The following TNR variants were observed in gnomAD, a reference collection of about 807,000 sequenced individuals.
TNR encodes the protein tenascin-R.
A neutral mutation model predicts 150.4 loss-of-function variants in TNR; 45 were observed. That is an observed-to-expected ratio of 0.30 (90% CI 0.24 to 0.38). The LOEUF (loss-of-function observed/expected upper bound fraction) is 0.38, where lower values mean the gene tolerates loss of function less well. Among genes scored for constraint, TNR ranks in the 10% least tolerant of loss-of-function variants. The pLI is 1.00. For synonymous variants in TNR, 687 were observed against 678.4 expected (o/e 1.01, Z -0.20); for missense variants, 1,544 against 1,759.1 (o/e 0.88, Z 2.19).
chr1:175,405,647 G>A (rs1281544840), intron 3 of TNR, among the ~76,000 whole-genome samples: 1 of 140,438 alleles, frequency 7.1e-6, no homozygotes, highest in African/African-American at 2.7e-5. Context: ...GTGTGTGTGT[G>A]TGCATACGCT....
chr1:175,406,210 C>A lies in TNR; in HGVS notation c.499+6G>T. 1 of 1,612,610 alleles carries A rather than the reference C, an allele frequency of 6.2e-7. No homozygotes were observed. The highest frequency in any genetic ancestry group is 8.5e-7 in the Non-Finnish European group (1 of 1,179,142). ...TGAGACCACGCTGCGAGCTCCCGGA[C>A]TCTACCTGTGGCAGCACTTTCTTGG... On this transcript the variant is annotated splice_donor_region_variant and intron_variant, in intron 3 of 22. Transcript: ENST00000367674.
intron 1 of TNR, among the ~76,000 whole-genome samples, chr1:175,656,352 T>C (rs1472817829): frequency 6.6e-6 from 1 of 152,146 alleles, no homozygotes; most frequent in East Asian, 1.9e-4. Context: ...AGGGCAGCCA[T>C]AAGCTGTCAG....
rs79189590 is a variant in TNR, at chr1:175,455,476, T to C, written c.-63-48699A>G. Among the ~76,000 whole-genome samples, 354 of 152,362 alleles carry C rather than the reference T, an allele frequency of 2.3e-3. 1 individual carries two copies. Among genetic ancestry groups the C allele is most frequent in the African/African-American group, 7.7e-3 (320 of 41,590 alleles). On this transcript the variant is annotated intron_variant, in intron 2 of 22. Coordinates refer to ENST00000367674, the MANE Select transcript of TNR (RefSeq NM_003285.3). ...TTTCAAAAGAAAGATCCTTGCTGTC[T>C]AGCAGTAGGAGCAGGCATGCTATTA... is the stretch of plus-strand genomic sequence containing the variant.
chr1:175,637,673 T>C (rs1664529425), intron 1 of TNR, among the ~76,000 whole-genome samples: 1 of 152,222 alleles, frequency 6.6e-6, no homozygotes. Flanking sequence ...AATCCAGGTA[T>C]CAGCTAATCA....
intron 1 of TNR, among the ~76,000 whole-genome samples, chr1:175,563,005 G>A (rs1469578849): frequency 1.3e-5 from 2 of 152,208 alleles, no homozygotes; most frequent in Admixed American, 1.3e-4. Flanking sequence ...GAATCAGGAA[G>A]CATGATTGAT....
chr1:175,639,295 C>T (rs1324949006), intron 1 of TNR, among the ~76,000 whole-genome samples: 1 of 152,198 alleles, frequency 6.6e-6, no homozygotes, highest in Non-Finnish European at 1.5e-5. Flanking sequence ...CACCTGGTAG[C>T]ATGTAGTTCC....
intron 1 of TNR, among the ~76,000 whole-genome samples, chr1:175,713,379 G>A (rs987339190): frequency 2.6e-5 from 4 of 152,042 alleles, no homozygotes; most frequent in African/African-American, 7.2e-5. Flanking sequence ...GGGCATACTT[G>A]CAGAAGATTT....
chr1:175,325,271 T>A (rs1482144987), intron 21 of TNR, among the ~76,000 whole-genome samples: 1 of 152,194 alleles, frequency 6.6e-6, no homozygotes, highest in Non-Finnish European at 1.5e-5. Context: ...TAAAAAATGC[T>A]CATCATCACT....
chr1:175,323,222 C>T lies in TNR; in HGVS notation c.*135G>A. The T allele has an allele frequency of 8.4e-7, 1 of 1,194,698 alleles. No homozygotes were observed. Among genetic ancestry groups the T allele is most frequent in the Non-Finnish European group, 1.1e-6 (1 of 876,872 alleles). 74.0% of individuals were successfully genotyped at this position (1,194,698 alleles called of 1,614,324 possible). A position where few individuals can be genotyped will look rare whatever the true frequency, so the allele number is the denominator to read the frequency against. On this transcript the variant is annotated 3_prime_UTR_variant, in exon 23 of 23. Coordinates refer to ENST00000367674, the MANE Select transcript of TNR (RefSeq NM_003285.3). ...AGAGCAGATGTTAGCCAGCGGATTC[C>T]TGCGACATCCCTGCTTCCTTCACAT...
Position 175,320,844 on chromosome 1 carries a change from G to A in TNR, c.*2513C>T, listed in dbSNP as rs950946989. The A allele has an allele frequency of 6.8e-6, 1 of 146,472 alleles. No individual in the cohort carries two copies. The allele number at this position is 146,472 out of a possible 1,614,324, so 9.1% of individuals were successfully genotyped here. A position where few individuals can be genotyped will look rare whatever the true frequency, so the allele number is the denominator to read the frequency against. Reference sequence around the variant, plus strand: ...CTTTCCTCATTAAACAGGGAGTCTAGTGAATTTTCATTACCTAATTGTGCT... The same window carrying A: ...CTTTCCTCATTAAACAGGGAGTCTAATGAATTTTCATTACCTAATTGTGCT... On this transcript the variant is annotated 3_prime_UTR_variant, in exon 23 of 23. Coordinates refer to ENST00000367674, the MANE Select transcript of TNR (RefSeq NM_003285.3).
rs545964942 is a variant in TNR, at chr1:175,549,980, G to GTTAATTT, written c.-164-21612_-164-21611insAAATTAA. ...TGTGTTGTTTTAACCTGCTATTTTTGTGATAATTTGTTGTGCAGCAATAGA... is the reference window on the plus strand; with the variant it reads ...TGTGTTGTTTTAACCTGCTATTTTTGTTAATTTTGATAATTTGTTGTGCAGCAATAGA... On this transcript the variant is annotated intron_variant, in intron 1 of 22. Coordinates refer to ENST00000367674, the MANE Select transcript of TNR (RefSeq NM_003285.3). Among the ~76,000 whole-genome samples, 130 of 152,280 alleles carry GTTAATTT rather than the reference G, an allele frequency of 8.5e-4. No individual in the cohort carries two copies. In the East Asian group the frequency reaches 0.019, roughly 22 times the overall value.
intron 1 of TNR, among the ~76,000 whole-genome samples, chr1:175,602,243 G>A (rs1331321685): frequency 7.3e-6 from 1 of 137,292 alleles, no homozygotes; most frequent in Non-Finnish European, 1.5e-5. Flanking sequence ...TAGCGTTCCT[G>A]TAATTGTCAA....
chr1:175,396,472 T>C (rs1278412002), intron 5 of TNR, 72 bp downstream of exon 5: 1 of 1,540,916 alleles, frequency 6.5e-7, no homozygotes, highest in African/African-American at 1.4e-5. Flanking sequence ...GAAAAGACGC[T>C]ACTATCATGA....
chr1:175,345,186 G>T (rs138572917), intron 18 of TNR, among the ~76,000 whole-genome samples: 19 of 152,146 alleles, frequency 1.2e-4, no homozygotes, highest in African/African-American at 2.9e-4. Flanking sequence ...AGAGAGGAAG[G>T]CTTGGAAGAA....
intron 20 of TNR, among the ~76,000 whole-genome samples, chr1:175,331,191 TTCC>T (rs1649898645): frequency 6.9e-5 from 4 of 57,562 alleles, no homozygotes; most frequent in Non-Finnish European, 4.8e-5. Flanking sequence ...CCTTCCTTCC[TTCC>T]TTCCTTCCTT....
chr1:175,660,998 A>AGGGCACTGTACCTGTCT (rs1665351478), intron 1 of TNR, among the ~76,000 whole-genome samples: 1 of 152,222 alleles, frequency 6.6e-6, no homozygotes, highest in African/African-American at 2.4e-5. Flanking sequence ...GTGCCCAGCC[A>AGGGCACTGTACCTGTCT]GAATCAGGAT....
rs539574502 is a variant in TNR, at chr1:175,606,845, C to A, written c.-164-78476G>T. On this transcript the variant is annotated intron_variant, in intron 1 of 22. Coordinates refer to ENST00000367674, the MANE Select transcript of TNR (RefSeq NM_003285.3). ...TAGATGGGGGAGTGTGAAAGCCCAG[C>A]AACATGGGGTCAAGTCTGAAGAAGC... 1.9e-3 allele frequency among the ~76,000 whole-genome samples: 283 copies of A among 152,320 alleles called. 1 individual carries two copies. Among genetic ancestry groups the A allele is most frequent in the Non-Finnish European group, 2.9e-3 (198 of 68,034 alleles).
At chr1:175,698,686 C>A (rs1010422016) in intron 1 of TNR, among the ~76,000 whole-genome samples, 1 of 151,906 alleles carries the variant, frequency 6.6e-6, no homozygotes, top group African/African-American at 2.4e-5. Flanking sequence ...ACTAAAAGTA[C>A]AAAAATTAGC....
intron 1 of TNR, among the ~76,000 whole-genome samples, chr1:175,561,788 AC>A (rs1475583272): frequency 6.6e-6 from 1 of 152,202 alleles, no homozygotes; most frequent in East Asian, 1.9e-4. Flanking sequence ...TAGAGCTGGG[AC>A]TTTTCTATAA....
Sources: gnomAD v4.1 joint callset for allele counts (sites outside exome capture counted in the v4.1 genomes callset) on GRCh38, gnomAD v4.1.1 for gene constraint, MANE v1.5 for transcripts, NCBI Gene and HGNC (gene_info 2026-07-23, HGNC 2026-07-21) for gene names.